Variants in FREM2 observed in about 807,000 individuals in gnomAD.
FREM2 encodes the protein FRAS1 related extracellular matrix 2.
Under a neutral mutation model 219.9 loss-of-function variants are expected in FREM2, and 119 were observed. That is an observed-to-expected ratio of 0.54 (90% CI 0.47 to 0.63). The LOEUF is 0.63. FREM2 is among the 30% of genes least tolerant of loss of function. The pLI is 0.00. For synonymous variants in FREM2, 1,562 were observed against 1,522.8 expected (o/e 1.03, Z -0.60); for missense variants, 4,030 against 3,993.6 (o/e 1.01, Z -0.25).
intron 16 of FREM2, among the ~76,000 whole-genome samples, chr13:38,865,775 C>A (rs1877940699): frequency 6.6e-6 from 1 of 152,124 alleles, no homozygotes; most frequent in South Asian, 2.1e-4. Flanking sequence ...AATAGAGAAG[C>A]AGTATAAGAT....
Position 38,878,943 on chromosome 13 carries a change from A to T in FREM2, c.8972A>T (p.Asp2991Val). 4 of 1,614,190 alleles carry T rather than the reference A, an allele frequency of 2.5e-6. No homozygotes were observed. Among genetic ancestry groups the T allele is most frequent in the Non-Finnish European group, 3.4e-6 (4 of 1,180,018 alleles). The change falls in exon 23 of 24, where the codon GAT (aspartate) becomes GTT (valine). Residue 2991 changes from aspartate to valine, a missense_variant. By Grantham distance (152) the Asp-to-Val change is radical (BLOSUM62 -3). Coordinates refer to ENST00000280481, the MANE Select transcript of FREM2 (RefSeq NM_207361.6). ...AILLVNQPGS[D>V]GFKVDSTPLF... Reference sequence around the variant, plus strand: ...CTCTTAGTGAATCAGCCTGGATCTGATGGATTTAAAGTCGACTCAACACCA... The same window carrying T: ...CTCTTAGTGAATCAGCCTGGATCTGTTGGATTTAAAGTCGACTCAACACCA...
intron 2 of FREM2, among the ~76,000 whole-genome samples, chr13:38,763,463 G>GGTTTTTTTTTTTTTTTTTTTT (rs1873310687): frequency 1.5e-4 from 1 of 6,480 alleles, no homozygotes; most frequent in Non-Finnish European, 1.0e-3. Context: ...TGTTACTTGG[G>GGTTTTTTTTTTTTTTTTTTTT]CTTTTTTTTT....
At chr13:38,842,728 A>G (rs1017727066) in intron 6 of FREM2, among the ~76,000 whole-genome samples, 2 of 152,188 alleles carry the variant, frequency 1.3e-5, no homozygotes, top group Non-Finnish European at 2.9e-5. Flanking sequence ...AGGAGACACA[A>G]TGTAATTGTA....
intron 14 of FREM2, among the ~76,000 whole-genome samples, chr13:38,859,878 G>A (rs1003645085): frequency 6.7e-6 from 1 of 150,032 alleles, no homozygotes; most frequent in Non-Finnish European, 1.5e-5. Context: ...TGAAGATGCA[G>A]ACACATTTTA....
At chr13:38,715,277 CAT>C (rs1348620994) in intron 2 of FREM2, among the ~76,000 whole-genome samples, 2 of 152,124 alleles carry the variant, frequency 1.3e-5, no homozygotes, top group Admixed American at 6.5e-5. Flanking sequence ...AATCCCACCA[CAT>C]GTTTTGATCA....
intron 6 of FREM2, among the ~76,000 whole-genome samples, chr13:38,790,670 G>T (rs1874525042): frequency 6.6e-6 from 1 of 152,134 alleles, no homozygotes; most frequent in Admixed American, 6.5e-5. Context: ...CTTTTTATTA[G>T]GTTGGTACAA....
chr13:38,863,502 GAA>G (rs1353653026), intron 15 of FREM2, among the ~76,000 whole-genome samples: 1 of 152,108 alleles, frequency 6.6e-6, no homozygotes, highest in East Asian at 1.9e-4. Flanking sequence ...ATTACAAAAA[GAA>G]ATACATTACA....
chr13:38,697,769 T>C lies in FREM2; in HGVS notation c.5245T>C (p.Phe1749Leu). The C allele has an allele frequency of 6.2e-7, 1 of 1,604,906 alleles. No individual in the cohort carries two copies. The highest frequency in any genetic ancestry group is 8.5e-7 in the Non-Finnish European group (1 of 1,171,654). Residue 1749 changes from phenylalanine (F) to leucine (L), a missense_variant, in exon 2 of 24, where the codon TTT becomes CTT. By Grantham distance (22) the Phe-to-Leu change is conservative (BLOSUM62 0). This residue lies in a region of FREM2 where 3,102 missense variants were observed against 2,950.7 expected (regional missense o/e 1.05). Coordinates refer to ENST00000280481, the MANE Select transcript of FREM2 (RefSeq NM_207361.6). Reference sequence around the variant, plus strand: ...TAATGCCACAAGTGATATGTTCTATTTTGCAGTTGAAGATGGTGGTAAGTA... The same window carrying C: ...TAATGCCACAAGTGATATGTTCTATCTTGCAGTTGAAGATGGTGGTAAGTA... Reference protein sequence around the residue: ...GANATSDMFYFAVEDGGGNKL... With the variant: ...GANATSDMFYLAVEDGGGNKL...
At chr13:38,699,294 A>G (rs961040941) in intron 2 of FREM2, among the ~76,000 whole-genome samples, 9 of 151,918 alleles carry the variant, frequency 5.9e-5, no homozygotes, top group African/African-American at 2.2e-4. Context: ...TTTTAATAAA[A>G]TATTTTGCTT....
intron 16 of FREM2, among the ~76,000 whole-genome samples, chr13:38,871,121 T>C (rs993708603): frequency 1.3e-5 from 2 of 152,160 alleles, no homozygotes; most frequent in African/African-American, 4.8e-5. Context: ...CCTCTCCTGC[T>C]GGCCAGGCTA....
intron 6 of FREM2, among the ~76,000 whole-genome samples, chr13:38,804,871 G>C (rs894452633): frequency 6.6e-6 from 1 of 152,088 alleles, no homozygotes; most frequent in African/African-American, 2.4e-5. Context: ...TTGGGAGTTA[G>C]GAGTCCTGGG....
At chr13:38,826,256 G>A (rs911791706) in intron 6 of FREM2, among the ~76,000 whole-genome samples, 3 of 152,080 alleles carry the variant, frequency 2.0e-5, no homozygotes, top group Admixed American at 1.3e-4. Context: ...TTAGAGATCT[G>A]ACTTCACGTA....
Position 38,769,757 on chromosome 13 carries a change from G to C in FREM2, c.5590G>C (p.Ala1864Pro). Residue 1864 changes from alanine (A) to proline (P), a missense_variant, in exon 4 of 24, where the codon GCC becomes CCC. Physicochemically the swap from Ala to Pro is conservative, Grantham distance 27 (BLOSUM62 -1). Around this residue, in one of 2 missense-constraint regions of FREM2, gnomAD observed 3,102 missense variants for 2,950.7 expected, o/e 1.05. Transcript: ENST00000280481. ...QVVLSEPVLA[A>P]LEFPTVATVE... ...GGTACTCTCAGAGCCCGTGCTGGCTGCCTTGGAATTCCCCACAGTCGCCAC... is the reference window on the plus strand; with the variant it reads ...GGTACTCTCAGAGCCCGTGCTGGCTCCCTTGGAATTCCCCACAGTCGCCAC... 4 of 1,614,116 alleles carry C rather than the reference G, an allele frequency of 2.5e-6. No individual in the cohort carries two copies. The highest frequency in any genetic ancestry group is 2.5e-6 in the Non-Finnish European group (3 of 1,179,998).
chr13:38,774,729 T>C (rs1873805131), intron 4 of FREM2, among the ~76,000 whole-genome samples: 1 of 152,238 alleles, frequency 6.6e-6, no homozygotes, highest in Non-Finnish European at 1.5e-5. Flanking sequence ...CCATTCTTTT[T>C]TGACTTAGTA....
chr13:38,769,656 C>G lies in FREM2; in HGVS notation c.5489C>G (p.Pro1830Arg). 6.2e-7 allele frequency: 1 copy of G among 1,614,150 alleles called. No individual in the cohort carries two copies. The highest frequency in any genetic ancestry group is 8.5e-7 in the Non-Finnish European group (1 of 1,180,012). ...GCACAGAAACAAGTGCAGTTCAACC[C>G]AGGCCAGACCAGGGCCACATGGCGA... ...GKAQKQVQFN[P>R]GQTRATWRVR... The change falls in exon 4 of 24, where the codon CCA (proline) becomes CGA (arginine). Residue 1830 changes from proline (P) to arginine (R), a missense_variant. Physicochemically the swap from Pro to Arg is moderately radical, Grantham distance 103 (BLOSUM62 -2). This residue lies in a region of FREM2 where 3,102 missense variants were observed against 2,950.7 expected (regional missense o/e 1.05). Coordinates refer to ENST00000280481, the MANE Select transcript of FREM2 (RefSeq NM_207361.6).
rs1869897070 is a variant in FREM2 at position 38,692,011 on chromosome 13, T to C, written c.4667T>C (p.Leu1556Pro). 1.2e-6 allele frequency: 2 copies of C among 1,614,212 alleles called. No individual in the cohort carries two copies. The highest frequency in any genetic ancestry group is 1.7e-6 in the Non-Finnish European group (2 of 1,180,040). The change falls in exon 1 of 24, where the codon CTC becomes CCC. Residue 1556 changes from leucine to proline, a missense_variant. By Grantham distance (98) the Leu-to-Pro change is moderately conservative. Transcript: ENST00000280481. ...AACAAGCTGATTACTCCTTTTGAGC[T>C]CACTGTCGAAGACAGAGATACTCCT... ...SENKLITPFE[L>P]TVEDRDTPDK...
intron 2 of FREM2, among the ~76,000 whole-genome samples, chr13:38,722,300 G>T (rs59939899): frequency 0.051 from 7,741 of 152,100 alleles, 631 homozygotes; most frequent in African/African-American, 0.17. Context: ...ACTCAAGCAA[G>T]TCTCCTGCCT....
intron 7 of FREM2, among the ~76,000 whole-genome samples, chr13:38,847,327 CTTTCTCATGTACACACACA>C (rs1877201622): frequency 6.6e-6 from 1 of 152,066 alleles, no homozygotes; most frequent in Admixed American, 6.6e-5. Context: ...ACAATACAAA[CTTTCTCATGTACACACACA>C]TGAGAACACA....
intron 17 of FREM2, 62 bp downstream of exon 17, chr13:38,872,996 A>T: frequency 1.4e-6 from 2 of 1,460,770 alleles, no homozygotes; most frequent in Non-Finnish European, 1.9e-6. Context: ...ATTTAAGACG[A>T]TTTTTTTTTG....
Sources: allele counts gnomAD v4.1 joint callset (sites outside exome capture counted in the v4.1 genomes callset), GRCh38; gene constraint gnomAD v4.1.1; regional missense constraint gnomAD v4.1.1; transcripts MANE v1.5; gene names NCBI Gene and HGNC (gene_info 2026-07-23, HGNC 2026-07-21).